TIAM1: variants seen among roughly 807,000 people sequenced by gnomAD.
TIAM1 encodes the protein TIAM Rac1 associated GEF 1.
In TIAM1, 65 loss-of-function variants were observed where a neutral mutation model predicts 163.5. The ratio of observed to expected loss-of-function variants is 0.40; its 90% CI spans 0.33 to 0.49. TIAM1 has a LOEUF of 0.49. Ranked by LOEUF, TIAM1 falls within the 20% of genes least tolerant of loss-of-function variation. The pLI is 0.77. For synonymous variants in TIAM1, 833 were observed against 810.1 expected, an observed-to-expected ratio of 1.03 and a Z score of -0.48; for missense variants, 1,789 against 2,044.7, an observed-to-expected ratio of 0.87 and a Z score of 2.41.
At chr21:31,288,560 C>T (rs994085677) in intron 2 of TIAM1, among the ~76,000 whole-genome samples, 5 of 152,246 alleles carry the variant, frequency 3.3e-5, no homozygotes, top group African/African-American at 7.2e-5. Context: ...AAGGCCCCAC[C>T]GCATGATACT....
At chr21:31,338,698 C>A (rs560534053) in intron 2 of TIAM1, among the ~76,000 whole-genome samples, 3 of 152,272 alleles carry the variant, frequency 2.0e-5, no homozygotes, top group African/African-American at 7.2e-5. Context: ...GAACGTTGCA[C>A]GGCGACCTCT....
rs117921375 is a variant in TIAM1, at chr21:31,152,755, C to T, written c.3247G>A (p.Val1083Met). 6.3e-4 allele frequency: 1,024 copies of T among 1,613,960 alleles called. 1 individual carries two copies. The highest frequency in any genetic ancestry group is 7.4e-4 in the Non-Finnish European group (874 of 1,179,952). Reference sequence around the variant, plus strand: ...ATTTCCGTTAAATTTCCAAAAAGCACGTCAAGCTAGAAATAAAACAGAATT... The same window carrying T: ...ATTTCCGTTAAATTTCCAAAAAGCATGTCAAGCTAGAAATAAAACAGAATT... The part of the protein sequence containing the change: ...ETFLTQDELD[V>M]LFGNLTEMVE... The change falls in exon 19 of 28, where the codon GTG (valine) becomes ATG (methionine). Residue 1083 changes from valine to methionine, a missense_variant. Physicochemically the swap from Val to Met is conservative, Grantham distance 21. Transcript: ENST00000541036.
At chr21:31,318,116 T>C (rs1351923339) in intron 2 of TIAM1, among the ~76,000 whole-genome samples, 2 of 152,312 alleles carry the variant, frequency 1.3e-5, no homozygotes, top group East Asian at 3.9e-4. Context: ...TTTTTATTTT[T>C]TGAGACGGTC....
chr21:31,401,944 G>A (rs1311393842), intron 2 of TIAM1, among the ~76,000 whole-genome samples: 2 of 151,624 alleles, frequency 1.3e-5, no homozygotes, highest in African/African-American at 4.8e-5. Context: ...CCCGGGCATG[G>A]TGGCTCACAC....
chr21:31,216,284 A>G (rs1217534789), intron 9 of TIAM1, among the ~76,000 whole-genome samples: 1 of 152,184 alleles, frequency 6.6e-6, no homozygotes, highest in Admixed American at 6.5e-5. Context: ...AAGTAAATTA[A>G]TGGCTGGAAC....
chr21:31,471,238 C>T (rs143530417), intron 1 of TIAM1, among the ~76,000 whole-genome samples: 1 of 152,294 alleles, frequency 6.6e-6, no homozygotes, highest in East Asian at 1.9e-4. Context: ...ATTCCTGCCC[C>T]GGTGGGCATC....
At chr21:31,158,254 T>C (rs1018866538) in intron 16 of TIAM1, among the ~76,000 whole-genome samples, 20 of 152,146 alleles carry the variant, frequency 1.3e-4, no homozygotes, top group African/African-American at 3.4e-4. Context: ...TGGCTTATAT[T>C]AGGAAACACC....
chr21:31,432,201 A>T (rs1178128644), intron 2 of TIAM1, among the ~76,000 whole-genome samples: 1 of 148,946 alleles, frequency 6.7e-6, no homozygotes, highest in African/African-American at 2.5e-5. Context: ...CCCGGGTTCA[A>T]GCGATTCTCC....
chr21:31,130,337 C>T (rs772019421), intron 24 of TIAM1, 22 bp from the exon 25 acceptor site: 2 of 1,595,506 alleles, frequency 1.3e-6, no homozygotes, highest in South Asian at 2.2e-5. Flanking sequence ...AAGGAACCAG[C>T]TGCATAAGAA....
At chr21:31,357,761 CG>C (rs1269154148) in intron 2 of TIAM1, among the ~76,000 whole-genome samples, 1 of 152,216 alleles carries the variant, frequency 6.6e-6, no homozygotes. Context: ...AATGATCTCC[CG>C]GTTTATAAAG....
intron 10 of TIAM1, among the ~76,000 whole-genome samples, chr21:31,210,591 A>G (rs2086696976): frequency 9.2e-6 from 1 of 108,124 alleles, no homozygotes; most frequent in African/African-American, 4.9e-5. Flanking sequence ...AGAAAGAAAG[A>G]AAGAGAGAAA....
chr21:31,554,254 C>A (rs1415758060), intron 1 of TIAM1, among the ~76,000 whole-genome samples: 3 of 152,136 alleles, frequency 2.0e-5, no homozygotes, highest in Non-Finnish European at 4.4e-5. Context: ...GGACACTCAG[C>A]CCCACTGCCT....
At chr21:31,547,988 T>TA (rs2048551478) in intron 1 of TIAM1, among the ~76,000 whole-genome samples, 1 of 152,182 alleles carries the variant, frequency 6.6e-6, no homozygotes. Flanking sequence ...AAAAGGAAGA[T>TA]ACACTTTCTT....
intron 3 of TIAM1, among the ~76,000 whole-genome samples, chr21:31,270,673 C>A (rs532980054): frequency 1.3e-5 from 2 of 152,328 alleles, no homozygotes; most frequent in South Asian, 4.1e-4. Context: ...TGAATGCAGC[C>A]CAACACAAAT....
intron 5 of TIAM1, among the ~76,000 whole-genome samples, chr21:31,249,476 G>A (rs534692370): frequency 6.6e-6 from 1 of 152,222 alleles, no homozygotes; most frequent in Non-Finnish European, 1.5e-5. Context: ...TGATTCAGCA[G>A]GTGTGGGGTA....
chr21:31,434,922 ATTAATTACTTAG>A (rs1434453864), intron 2 of TIAM1, among the ~76,000 whole-genome samples: 2 of 152,240 alleles, frequency 1.3e-5, no homozygotes, highest in Non-Finnish European at 2.9e-5. Flanking sequence ...CACTGAACTA[ATTAATTACTTAG>A]TAAACGAATG....
intron 1 of TIAM1, among the ~76,000 whole-genome samples, chr21:31,555,833 C>A (rs1005933726): frequency 1.2e-4 from 19 of 152,148 alleles, no homozygotes; most frequent in African/African-American, 4.6e-4. Flanking sequence ...AGTAGGCCCT[C>A]AGCAAACTCT....
chr21:31,123,011 G>T (rs914778352), intron 27 of TIAM1, among the ~76,000 whole-genome samples: 1 of 152,192 alleles, frequency 6.6e-6, no homozygotes, highest in African/African-American at 2.4e-5. Context: ...AGCCAAAAAT[G>T]AGCCATCAGG....
intron 2 of TIAM1, among the ~76,000 whole-genome samples, chr21:31,453,726 A>T (rs1308783843): frequency 2.4e-5 from 3 of 124,532 alleles, no homozygotes; most frequent in Non-Finnish European, 5.2e-5. Flanking sequence ...AAATAAATAA[A>T]TAAATAAATT....
Sources: allele counts gnomAD v4.1 joint callset (sites outside exome capture counted in the v4.1 genomes callset), GRCh38; gene constraint gnomAD v4.1.1; transcripts MANE v1.5; gene names NCBI Gene and HGNC (gene_info 2026-07-23, HGNC 2026-07-21).